TNS1: variants seen among roughly 807,000 people sequenced by gnomAD.
The protein encoded by TNS1 is tensin-1.
In TNS1, 62 loss-of-function variants were observed where a neutral mutation model predicts 168.6. The ratio of observed to expected loss-of-function variants is 0.37; its 90% CI spans 0.30 to 0.45. The LOEUF (loss-of-function observed/expected upper bound fraction) is 0.45, where lower values mean the gene tolerates loss of function less well. Ranked by LOEUF, TNS1 falls within the 20% of genes least tolerant of loss-of-function variation. The pLI, the probability that TNS1 is intolerant of heterozygous loss-of-function variation, is 1.00. For synonymous variants in TNS1, 934 were observed against 933.2 expected (o/e 1.00, Z -0.02); for missense variants, 2,240 against 2,339.4 (o/e 0.96, Z 0.88).
At chr2:218,029,004 G>A (rs567451275) in intron 1 of TNS1, among the ~76,000 whole-genome samples, 2 of 152,176 alleles carry the variant, frequency 1.3e-5, no homozygotes, top group Admixed American at 6.5e-5. Flanking sequence ...TACATCAAAC[G>A]AGGAGGCAGT....
rs144194587 is a variant in TNS1, at chr2:218,018,046, G to A, written c.156+15774C>T. 9.6e-3 allele frequency among the ~76,000 whole-genome samples: 1,460 copies of A among 152,320 alleles called. 13 individuals are homozygous for A. The highest frequency in any genetic ancestry group is 0.016 in the Non-Finnish European group (1,096 of 68,026). ...AGCAGGCTAGAGGAGAGGTAGAATG[G>A]AGGCATATGAAGAGGCTGGAACCCA... On this transcript the variant is annotated intron_variant, in intron 1 of 1. Coordinates refer to the TNS1 transcript ENST00000649572.
chr2:217,806,381 C>T (rs1939095565), intron 32 of TNS1, among the ~76,000 whole-genome samples: 1 of 152,218 alleles, frequency 6.6e-6, no homozygotes. Flanking sequence ...GTCATGATTC[C>T]CTGTTAGCCC....
chr2:217,835,897 G>C, intron 20 of TNS1, 118 bp downstream of exon 20: 5 of 889,896 alleles, frequency 5.6e-6, no homozygotes, highest in Non-Finnish European at 7.0e-6. Context: ...TGAGGACGTA[G>C]GGGGAGACAA....
chr2:217,824,773 T>A (rs1385722494), intron 22 of TNS1, among the ~76,000 whole-genome samples: 1 of 152,058 alleles, frequency 6.6e-6, no homozygotes, highest in East Asian at 1.9e-4. Flanking sequence ...CTCTGAAAAC[T>A]CTTCCCAGAC....
intron 22 of TNS1, among the ~76,000 whole-genome samples, chr2:217,826,355 T>G (rs1943610864): frequency 6.6e-6 from 1 of 152,164 alleles, no homozygotes; most frequent in African/African-American, 2.4e-5. Context: ...CTTTTTCTGT[T>G]TATTCCCTGG....
intron 3 of TNS1, among the ~76,000 whole-genome samples, chr2:217,961,332 T>A (rs2126003527): frequency 6.6e-6 from 1 of 152,102 alleles, no homozygotes; most frequent in East Asian, 1.9e-4. Flanking sequence ...CTTTGGTCTG[T>A]CTGTTACCCT....
At chr2:217,810,119 A>G in intron 29 of TNS1, 128 bp from the exon 30 acceptor site, 1 of 1,436,150 alleles carries the variant, frequency 7.0e-7, no homozygotes, top group Non-Finnish European at 9.6e-7. Context: ...GCATCTGCAC[A>G]TAGAAATGTG....
chr2:217,866,306 T>C (rs1397838198), intron 18 of TNS1, among the ~76,000 whole-genome samples: 5 of 152,156 alleles, frequency 3.3e-5, no homozygotes, highest in African/African-American at 1.2e-4. Flanking sequence ...ATCCCTAAAG[T>C]CCTGTTTGGA....
intron 3 of TNS1, among the ~76,000 whole-genome samples, chr2:217,926,454 T>C (rs1321523436): frequency 6.6e-6 from 1 of 152,206 alleles, no homozygotes; most frequent in Non-Finnish European, 1.5e-5. Context: ...AGAGAAGTTC[T>C]TTGCTGACAC....
rs573420886 is a variant in TNS1, at chr2:218,000,450, G to T, written c.33+2390C>A. Among the ~76,000 whole-genome samples, 75 of 152,324 alleles carry T rather than the reference G, an allele frequency of 4.9e-4. 1 individual carries two copies. In the South Asian group the frequency reaches 0.014, roughly 28 times the overall value. On this transcript the variant is annotated intron_variant, in intron 1 of 32. Transcript: ENST00000682258. ...CCAGGGAGATCCTCCCCCAGCATCA[G>T]GTCTGGGATACAGAGGATCCCAAGA... is the stretch of plus-strand genomic sequence containing the variant.
intron 3 of TNS1, among the ~76,000 whole-genome samples, chr2:217,944,593 C>A (rs1421858203): frequency 6.6e-6 from 1 of 152,166 alleles, no homozygotes; most frequent in African/African-American, 2.4e-5. Context: ...CTGCTTTTTT[C>A]TTAGCTGTCA....
At chr2:217,819,111 T>C (rs1280552323) in intron 23 of TNS1, among the ~76,000 whole-genome samples, 3 of 152,224 alleles carry the variant, frequency 2.0e-5, no homozygotes. Flanking sequence ...GTGGCTGTCA[T>C]GTTATAGCCT....
intron 16 of TNS1, among the ~76,000 whole-genome samples, 190 bp from the exon 17 acceptor site, chr2:217,882,601 C>G (rs1279557740): frequency 1.3e-5 from 2 of 152,096 alleles, no homozygotes; most frequent in Non-Finnish European, 2.9e-5. Context: ...CCTGCCCACT[C>G]TAGCCCCTGT....
chr2:218,012,657 T>A (rs990010773), upstream of TNS1, among the ~76,000 whole-genome samples: 8 of 151,438 alleles, frequency 5.3e-5, no homozygotes, highest in African/African-American at 1.7e-4. Context: ...CCATACCCCA[T>A]ATAGCTTCAT....
intron 3 of TNS1, chr2:217,937,177 TA>T: frequency 4.6e-6 from 1 of 215,250 alleles, no homozygotes; most frequent in Non-Finnish European, 7.7e-6. Context: ...ACACTCTGTC[TA>T]CTCCCCTACT....
chr2:217,958,497 T>C (rs1020254825), intron 3 of TNS1, among the ~76,000 whole-genome samples: 5 of 152,112 alleles, frequency 3.3e-5, no homozygotes, highest in African/African-American at 4.8e-5. Flanking sequence ...AGAATGACGA[T>C]GGTAAATGAT....
intron 19 of TNS1, among the ~76,000 whole-genome samples, chr2:217,844,084 T>A (rs757150903): frequency 2.0e-5 from 3 of 152,098 alleles, no homozygotes; most frequent in African/African-American, 4.8e-5. Context: ...CTATTTCTAT[T>A]CATGGAGCTC....
At position 217,832,932 on chromosome 2, in the gene TNS1, A is replaced by C. The variant is rs182563372; in HGVS notation, c.3281-1385T>G. ...TCCCTCTGTCTTTACATAGACACAC[A>C]CACAAACACACACACACACACATAG... On this transcript the variant is annotated intron_variant, in intron 21 of 32. Coordinates refer to ENST00000682258, the MANE Select transcript of TNS1 (RefSeq NM_001387777.1). Among the ~76,000 whole-genome samples the C allele has an allele frequency of 2.5e-3, 388 of 152,178 alleles. 1 individual carries two copies. The highest frequency in any genetic ancestry group is 8.6e-3 in the African/African-American group (359 of 41,508).
At chr2:217,878,447 G>C (rs1399158806) in intron 18 of TNS1, among the ~76,000 whole-genome samples, 1 of 152,142 alleles carries the variant, frequency 6.6e-6, no homozygotes, top group Non-Finnish European at 1.5e-5. Context: ...AGCTGGGGCA[G>C]GTTACTTAAC....
Sources: gnomAD v4.1 joint callset for allele counts (sites outside exome capture counted in the v4.1 genomes callset) on GRCh38, gnomAD v4.1.1 for gene constraint, MANE v1.5 for transcripts, NCBI Gene and HGNC (gene_info 2026-07-23, HGNC 2026-07-21) for gene names.